The following DNAH1 variants were observed in gnomAD, a reference collection of about 807,000 sequenced individuals.
DNAH1 encodes axonemal beta dynein heavy chain 1.
DNAH1 carries 327 observed loss-of-function variants against 484.3 expected under a neutral mutation model. The observed-to-expected ratio is 0.68, with a 90% confidence interval of 0.62 to 0.74. DNAH1 has a LOEUF of 0.74. Among genes scored for constraint, DNAH1 ranks in the 30% least tolerant of loss-of-function variants. The pLI, the probability that DNAH1 is intolerant of heterozygous loss-of-function variation, is 0.00. For missense variants in DNAH1, 5,052 were observed against 5,546.8 expected (o/e 0.91, Z 2.83); for synonymous variants, 2,192 against 2,191.9 (o/e 1.00, Z 0.00).
At position 52,393,045 on chromosome 3, in the gene DNAH1, C is replaced by G; in HGVS notation, c.10474+20C>G. 6.2e-7 allele frequency: 1 copy of G among 1,610,746 alleles called. No individual in the cohort carries two copies. The stretch of plus-strand genomic sequence containing the variant: ...GAGCAGGTAGCACCGGCATGCCAGG[C>G]TCCTACCCTGCACAGATATGACCCA... On this transcript the variant is annotated intron_variant, in intron 65 of 77. Transcript: ENST00000420323.
In DNAH1 at chr3:52,322,429, C is replaced by G. The variant is rs758372778; in HGVS notation, c.-14C>G. 3.8e-6 allele frequency: 6 copies of G among 1,596,420 alleles called. No homozygotes were observed. In the South Asian group the frequency reaches 6.8e-5, roughly 18 times the overall value. ...CCTAGGAGCTTCGGCTGGGGCATCT[C>G]CCTGAGAAGCAGCATGGAGCAGCCT... On this transcript the variant is annotated 5_prime_UTR_variant, in exon 2 of 78. Coordinates refer to ENST00000420323, the MANE Select transcript of DNAH1 (RefSeq NM_015512.5).
Position 52,353,203 on chromosome 3 carries a change from A to C in DNAH1, c.3128A>C (p.Asp1043Ala). 6.2e-7 allele frequency: 1 copy of C among 1,613,508 alleles called. No homozygotes were observed. The highest frequency in any genetic ancestry group is 8.5e-7 in the Non-Finnish European group (1 of 1,179,802). Reference sequence around the variant, plus strand: ...CGCTGGTCGGAGAGCTGGATGAATGACCCCCTCTCTGCCATCGATGCTGAG... The same window carrying C: ...CGCTGGTCGGAGAGCTGGATGAATGCCCCCCTCTCTGCCATCGATGCTGAG... ...WLRWSESWMN[D>A]PLSAIDAEQL... Residue 1043 changes from aspartate (D) to alanine (A), a missense_variant, in exon 19 of 78, where the codon GAC (aspartate) becomes GCC (alanine). Coordinates refer to ENST00000420323, the MANE Select transcript of DNAH1 (RefSeq NM_015512.5). This position sits in a 1 kb window ranked among gnomAD's most constrained non-coding sequence, Gnocchi z 5.0.
chr3:52,397,454 T>C (rs1704686586), intron 73 of DNAH1, among the ~76,000 whole-genome samples: 1 of 151,478 alleles, frequency 6.6e-6, no homozygotes, highest in South Asian at 2.1e-4. Flanking sequence ...GGAGGGAGCC[T>C]GACAAATTTG....
intron 64 of DNAH1, 54 bp from the exon 65 acceptor site, chr3:52,392,776 C>G (rs535141420): frequency 3.2e-6 from 5 of 1,559,238 alleles, no homozygotes; most frequent in Admixed American, 1.7e-5. Flanking sequence ...GCCTGCCCCC[C>G]AAACCCCCTA....
chr3:52,350,162 A>C, intron 15 of DNAH1, 54 bp downstream of exon 15: 1 of 1,586,194 alleles, frequency 6.3e-7, no homozygotes, highest in Non-Finnish European at 8.6e-7. Flanking sequence ...TGGTGTTAAG[A>C]GTCCGAGGGC....
At chr3:52,396,304 A>T in intron 70 of DNAH1, 64 bp from the exon 71 acceptor site, 1 of 1,505,946 alleles carries the variant, frequency 6.6e-7, no homozygotes, top group Admixed American at 2.0e-5. Context: ...GGCAGGAGGG[A>T]GCCTGGTGTC....
rs375847949 is a variant in DNAH1, at chr3:52,386,189, G to T, written c.8655G>T (p.Arg2885=). ...KVDTAIAEET[R]NSVQTEEIKA... ...ATACGGCCATCGCCGAGGAGACCCG[G>T]AATTCAGTGCAGACAGAGGAGATCA... The change falls in exon 55 of 78, where the codon CGG becomes CGT. Residue 2885 remains arginine (R), a synonymous_variant. Coordinates refer to ENST00000420323, the MANE Select transcript of DNAH1 (RefSeq NM_015512.5). 2 of 1,613,580 alleles carry T rather than the reference G, an allele frequency of 1.2e-6. No individual in the cohort carries two copies. The highest frequency in any genetic ancestry group is 1.7e-6 in the Non-Finnish European group (2 of 1,179,764).
chr3:52,385,564 C>G, intron 54 of DNAH1, 117 bp downstream of exon 54: 1 of 774,320 alleles, frequency 1.3e-6, no homozygotes, highest in South Asian at 1.6e-5. Flanking sequence ...CTCCGTGTGC[C>G]CCAGCTTCCT....
At chr3:52,380,621 C>G (rs1703802732) in intron 48 of DNAH1, among the ~76,000 whole-genome samples, 1 of 152,246 alleles carries the variant, frequency 6.6e-6, no homozygotes, top group Non-Finnish European at 1.5e-5. Context: ...TGACCCAACT[C>G]TCAGGCCTCC....
Position 52,383,491 on chromosome 3 carries a change from C to A in DNAH1, c.8047C>A (p.Arg2683=), listed in dbSNP as rs779766452. The A allele has an allele frequency of 6.2e-7, 1 of 1,613,830 alleles. No individual in the cohort carries two copies. The highest frequency in any genetic ancestry group is 8.5e-7 in the Non-Finnish European group (1 of 1,179,810). ...DEQDQIVSTM[R]PYIQEQGLQP... The stretch of plus-strand genomic sequence containing the variant: ...GCAGGACCAGATCGTCAGCACCATG[C>A]GGCCCTATATCCAGGAGCAGGGCCT... Residue 2683 remains arginine (R), a synonymous_variant, in exon 51 of 78, where the codon CGG becomes AGG. Transcript: ENST00000420323.
At chr3:52,337,817 G>C (rs1701789526) in intron 8 of DNAH1, among the ~76,000 whole-genome samples, 1 of 152,056 alleles carries the variant, frequency 6.6e-6, no homozygotes, top group Non-Finnish European at 1.5e-5. Flanking sequence ...TTTGAGACAG[G>C]GTCTTGCTCT....
chr3:52,357,026 GTT>G (rs78790549), intron 22 of DNAH1, among the ~76,000 whole-genome samples: 1 of 132,702 alleles, frequency 7.5e-6, no homozygotes. Context: ...TTGTTTGTCT[GTT>G]TTTTTTTTTT....
chr3:52,395,323 G>A lies in DNAH1; in HGVS notation c.10984G>A (p.Val3662Met). Residue 3662 changes from valine (V) to methionine (M), a missense_variant, in exon 69 of 78, where the codon GTG becomes ATG. Physicochemically the swap from Val to Met is conservative, Grantham distance 21. This residue lies in a region of DNAH1 where 853 missense variants were observed against 899.0 expected (regional missense o/e 0.95). Coordinates refer to ENST00000420323, the MANE Select transcript of DNAH1 (RefSeq NM_015512.5). The surrounding 1 kb of genome is among the most constrained non-coding windows in gnomAD (Gnocchi z 4.4). ...GCCCTTGCAGACAGCCAATCTGTCA[G>A]TGGTGTTCAAAGACTCCAACTCCAC... ...FIEPQTANLS[V>M]VFKDSNSTTP... 1 of 1,613,590 alleles carries A rather than the reference G, an allele frequency of 6.2e-7. No individual in the cohort carries two copies. The highest frequency in any genetic ancestry group is 8.5e-7 in the Non-Finnish European group (1 of 1,179,794).
intron 47 of DNAH1, 105 bp downstream of exon 47, chr3:52,378,885 C>T (rs1703720618): frequency 2.8e-6 from 4 of 1,440,590 alleles, no homozygotes; most frequent in Admixed American, 1.8e-5. Flanking sequence ...CTGAGTGGGG[C>T]TTCCTGGAAC....
rs774106594 is a variant in DNAH1, at chr3:52,354,834, C to T, written c.3481-9C>T. The T allele has an allele frequency of 7.7e-5, 124 of 1,612,670 alleles. No individual in the cohort carries two copies. The highest frequency in any genetic ancestry group is 2.5e-4 in the South Asian group (23 of 91,002). On this transcript the variant is annotated splice_polypyrimidine_tract_variant and intron_variant, in intron 20 of 77. Coordinates refer to ENST00000420323, the MANE Select transcript of DNAH1 (RefSeq NM_015512.5). The stretch of plus-strand genomic sequence containing the variant: ...CCCAGGACTCAGCCTGGCTTGTCCC[C>T]GACCCCAGGCACTGGACAAGATGGA...
At position 52,379,610 on chromosome 3, in the gene DNAH1, G is replaced by A. The variant is rs925810855; in HGVS notation, c.7378-295G>A. Among the ~76,000 whole-genome samples the A allele has an allele frequency of 6.6e-6, 1 of 152,218 alleles. No homozygotes were observed. Among genetic ancestry groups the A allele is most frequent in the Admixed American group, 6.5e-5 (1 of 15,290 alleles). ...AGCGACAGGGGGCTAAAAGGTGGAAGTGAGGTGCTTGTGACAAGCTAGCAG... is the reference window on the plus strand; with the variant it reads ...AGCGACAGGGGGCTAAAAGGTGGAAATGAGGTGCTTGTGACAAGCTAGCAG... On this transcript the variant is annotated intron_variant, in intron 47 of 77. Coordinates refer to ENST00000420323, the MANE Select transcript of DNAH1 (RefSeq NM_015512.5). The surrounding 1 kb of genome is among the most constrained non-coding windows in gnomAD (Gnocchi z 4.4).
intron 8 of DNAH1, among the ~76,000 whole-genome samples, chr3:52,341,620 G>A (rs1403328596): frequency 6.6e-6 from 1 of 150,840 alleles, no homozygotes; most frequent in Non-Finnish European, 1.5e-5. Flanking sequence ...CACTGCAAAG[G>A]GCTTGACTTT....
At position 52,354,912 on chromosome 3, in the gene DNAH1, A is replaced by G. The variant is rs921599142; in HGVS notation, c.3550A>G (p.Thr1184Ala). Reference protein sequence around the residue: ...FNVLPYKATDTYILKSPDEAS... With the variant: ...FNVLPYKATDAYILKSPDEAS... ...TGTACTGCCCTACAAGGCGACAGAC[A>G]CCTACATCCTGAAGAGCCCGGACGA... Residue 1184 changes from threonine to alanine, a missense_variant, in exon 21 of 78, where the codon ACC becomes GCC. Physicochemically the swap from Thr to Ala is moderately conservative, Grantham distance 58. This residue lies in a region of DNAH1 where 2,929 missense variants were observed against 3,409.4 expected (regional missense o/e 0.86). Coordinates refer to ENST00000420323, the MANE Select transcript of DNAH1 (RefSeq NM_015512.5). 5.0e-6 allele frequency: 8 copies of G among 1,614,026 alleles called. No homozygotes were observed. The highest frequency in any genetic ancestry group is 6.8e-6 in the Non-Finnish European group (8 of 1,179,888).
rs1449136622 is a variant in DNAH1 at position 52,349,137 on chromosome 3, T to G, written c.2300+56T>G. 10 of 1,612,118 alleles carry G rather than the reference T, an allele frequency of 6.2e-6. No individual in the cohort carries two copies. In the East Asian group the frequency reaches 1.3e-4, roughly 22 times the overall value. On this transcript the variant is annotated intron_variant, in intron 13 of 77. Transcript: ENST00000420323. Reference sequence around the variant, plus strand: ...GTGTCTGTGTGTTTGTGCATGTGTATCCCCTGCCCACCCTGCTCACCATCC... The same window carrying G: ...GTGTCTGTGTGTTTGTGCATGTGTAGCCCCTGCCCACCCTGCTCACCATCC...
Sources: gnomAD v4.1 joint callset for allele counts (sites outside exome capture counted in the v4.1 genomes callset) on GRCh38, gnomAD v4.1.1 for gene constraint, gnomAD v4.1.1 regional missense constraint, Gnocchi (gnomAD v3.1) non-coding constraint, MANE v1.5 for transcripts, NCBI Gene and HGNC (gene_info 2026-07-23, HGNC 2026-07-21) for gene names.